KAZN: variants seen among roughly 807,000 people sequenced by gnomAD.
KAZN encodes kazrin, periplakin interacting protein.
In KAZN, 40 loss-of-function variants were observed where a neutral mutation model predicts 87.4. The observed-to-expected ratio is 0.46, with a 90% CI of 0.36 to 0.60. The LOEUF (loss-of-function observed/expected upper bound fraction) is 0.60, where lower values mean the gene tolerates loss of function less well. KAZN is among the 20% of genes least tolerant of loss of function. The pLI is 0.00. For missense variants in KAZN, 898 were observed against 1,073.9 expected (o/e 0.84, Z 2.29); for synonymous variants, 466 against 458.3 (o/e 1.02, Z -0.22).
chr1:14,556,801 C>G (rs1673908843), intron 2 of KAZN, among the ~76,000 whole-genome samples: 1 of 152,130 alleles, frequency 6.6e-6, no homozygotes, highest in South Asian at 2.1e-4. Flanking sequence ...CTTCAATGGC[C>G]CGTTTGGCTC....
intron 1 of KAZN, among the ~76,000 whole-genome samples, chr1:13,950,027 C>T (rs180709295): frequency 3.3e-5 from 5 of 152,302 alleles, no homozygotes; most frequent in East Asian, 3.9e-4. Flanking sequence ...TTCCAGATCC[C>T]GCCCCTGCCT....
intron 1 of KAZN, among the ~76,000 whole-genome samples, chr1:14,936,532 G>A (rs1013316987): frequency 7.2e-5 from 11 of 152,046 alleles, no homozygotes; most frequent in East Asian, 3.9e-4. Context: ...AGCCATACTC[G>A]GCTACTTTTG....
chr1:14,677,749 T>C (rs558474855), intron 1 of KAZN, among the ~76,000 whole-genome samples: 2 of 152,168 alleles, frequency 1.3e-5, no homozygotes, highest in South Asian at 2.1e-4. Context: ...AGACCGAGGA[T>C]GTGGCCTGCT....
intron 1 of KAZN, among the ~76,000 whole-genome samples, chr1:14,842,060 G>C (rs187661426): frequency 6.6e-6 from 1 of 152,122 alleles, no homozygotes; most frequent in African/African-American, 2.4e-5. Context: ...TCCAACCACA[G>C]CACTTCTTGT....
chr1:14,590,412 G>A (rs773512575), intron 2 of KAZN, among the ~76,000 whole-genome samples: 16 of 152,146 alleles, frequency 1.1e-4, no homozygotes, highest in Non-Finnish European at 2.1e-4. Context: ...CTGCCTCAGC[G>A]AGTGCAGGGA....
At chr1:15,042,716 C>G (rs1673044384) in intron 3 of KAZN, among the ~76,000 whole-genome samples, 1 of 152,222 alleles carries the variant, frequency 6.6e-6, no homozygotes, top group African/African-American at 2.4e-5. Context: ...ACAGCTCTGA[C>G]AGCCACAGAG....
At chr1:13,906,035 C>T (rs115768348) in intron 1 of KAZN, among the ~76,000 whole-genome samples, 2,313 of 152,224 alleles carry the variant, frequency 0.015, 29 homozygotes, top group Middle Eastern at 0.054. Flanking sequence ...CTTCTAAGGA[C>T]GCTTGTGATG....
At chr1:13,926,514 C>T (rs187127306) in intron 1 of KAZN, among the ~76,000 whole-genome samples, 22 of 152,288 alleles carry the variant, frequency 1.4e-4, no homozygotes, top group Admixed American at 1.1e-3. Context: ...ATTTTCAAGT[C>T]CCCTTTGCAC....
rs201089529 is a variant in KAZN at position 14,466,659 on chromosome 1, T to TAA, written c.250-132324_250-132323insAA. Among the ~76,000 whole-genome samples, 772 of 114,002 alleles carry TAA rather than the reference T, an allele frequency of 6.8e-3. 4 individuals carry two copies. Among genetic ancestry groups the TAA allele is most frequent in the Middle Eastern group, 0.028 (7 of 252 alleles). The allele number at this position is 114,002 out of a possible 152,430, so 74.8% of individuals were successfully genotyped here. A position where few individuals can be genotyped will look rare whatever the true frequency, so the allele number is the denominator to read the frequency against. ...ATGTACCCCAAACTTAAAACTAAAT[T>TAA]TAAAAAAAAAAAAAAAGAAGAAGAA... On this transcript the variant is annotated intron_variant, in intron 2 of 16. Transcript: ENST00000636203.
chr1:14,408,917 C>G (rs947127712), intron 2 of KAZN, among the ~76,000 whole-genome samples: 1 of 150,646 alleles, frequency 6.6e-6, no homozygotes, highest in Non-Finnish European at 1.5e-5. Flanking sequence ...GGAGGGGGGG[C>G]GTTGTTTTAT....
intron 1 of KAZN, among the ~76,000 whole-genome samples, chr1:14,914,336 T>C (rs1245981436): frequency 6.6e-6 from 1 of 152,202 alleles, no homozygotes; most frequent in Non-Finnish European, 1.5e-5. Flanking sequence ...GCTTTGCATT[T>C]CTCACCCACC....
intron 2 of KAZN, among the ~76,000 whole-genome samples, chr1:14,521,762 T>TG (rs1283909998): frequency 5.9e-5 from 9 of 152,278 alleles, no homozygotes; most frequent in African/African-American, 1.9e-4. Context: ...GGAGGAAGTG[T>TG]GGTTACTGAG....
intron 1 of KAZN, among the ~76,000 whole-genome samples, chr1:14,733,257 G>C (rs1253712866): frequency 6.6e-6 from 1 of 152,074 alleles, no homozygotes; most frequent in South Asian, 2.1e-4. Context: ...GCCTGTGCTT[G>C]GAGTTACCAT....
At position 14,126,958 on chromosome 1, in the gene KAZN, T is replaced by C. The variant is rs138603233; in HGVS notation, c.92-53477T>C. 9.0e-4 allele frequency among the ~76,000 whole-genome samples: 137 copies of C among 152,142 alleles called. 1 individual carries two copies. In the East Asian group the frequency reaches 0.024, roughly 27 times the overall value. On this transcript the variant is annotated intron_variant, in intron 1 of 16. Transcript: ENST00000636203. ...CCGTCTCTACTAAAAATACAAAAAT[T>C]AGCCAGGCATGGTGGTAGGCGCCTG...
intron 2 of KAZN, among the ~76,000 whole-genome samples, chr1:14,401,783 T>C (rs1221496401): frequency 6.6e-6 from 1 of 152,080 alleles, no homozygotes; most frequent in East Asian, 1.9e-4. Context: ...AGGTACAGAA[T>C]CAATCATTAG....
At chr1:14,672,971 C>T (rs934601021) in intron 1 of KAZN, among the ~76,000 whole-genome samples, 10 of 152,186 alleles carry the variant, frequency 6.6e-5, no homozygotes, top group Non-Finnish European at 7.3e-5. Flanking sequence ...TCCCAGGCCA[C>T]GTGCAAAAGA....
chr1:14,633,420 A>G (rs1380085381), intron 1 of KAZN, among the ~76,000 whole-genome samples: 1 of 152,124 alleles, frequency 6.6e-6, no homozygotes, highest in East Asian at 1.9e-4. Context: ...GAGAGATGCC[A>G]TTGCTAGAAG....
chr1:14,272,049 G>A (rs745893275), intron 2 of KAZN, among the ~76,000 whole-genome samples: 5 of 152,228 alleles, frequency 3.3e-5, no homozygotes, highest in African/African-American at 7.2e-5. Flanking sequence ...TTGGTGACAC[G>A]AAGCACCTAA....
chr1:14,140,718 C>T (rs948108901), intron 1 of KAZN, among the ~76,000 whole-genome samples: 2 of 152,114 alleles, frequency 1.3e-5, no homozygotes, highest in Non-Finnish European at 2.9e-5. Flanking sequence ...CCTGCCTCCC[C>T]CACGAACCCC....
Sources: allele counts gnomAD v4.1 joint callset (sites outside exome capture counted in the v4.1 genomes callset), GRCh38; gene constraint gnomAD v4.1.1; transcripts MANE v1.5; gene names NCBI Gene and HGNC (gene_info 2026-07-23, HGNC 2026-07-21).